Variants in TBXAS1 observed in about 807,000 individuals in gnomAD.
The protein encoded by TBXAS1 is thromboxane A synthase 1, also known as thromboxane-A synthase.
In TBXAS1, 48 loss-of-function variants were observed where a neutral mutation model predicts 60.7. The observed-to-expected ratio is 0.79, with a 90% confidence interval of 0.63 to 1.01. The LOEUF (loss-of-function observed/expected upper bound fraction) is 1.01. TBXAS1 is among the 50% of genes least tolerant of loss of function. The probability of loss-of-function intolerance (pLI) is 0.00; values close to 1 mark genes in which losing one functional copy is unlikely to be tolerated. For synonymous variants in TBXAS1, 287 were observed against 269.7 expected (o/e 1.06, Z -0.63); for missense variants, 685 against 686.3 (o/e 1.00, Z 0.02).
chr7:139,896,354 C>A lies in TBXAS1; in HGVS notation c.237-14871C>A, dbSNP rs908739318. ...GAAGTTTTCCAAACTAACAAGAGGG[C>A]AGCCGGCACTTTAGAGGGTAAATAC... is the stretch of plus-strand genomic sequence containing the variant. On this transcript the variant is annotated intron_variant, in intron 3 of 12. Transcript: ENST00000448866. The surrounding 1 kb of genome is among the most constrained non-coding windows in gnomAD (Gnocchi z 4.0). 2.0e-5 allele frequency among the ~76,000 whole-genome samples: 3 copies of A among 152,152 alleles called. No homozygotes were observed. The highest frequency in any genetic ancestry group is 4.4e-5 in the Non-Finnish European group (3 of 68,040).
chr7:139,927,584 A>G (rs910304514), intron 4 of TBXAS1, among the ~76,000 whole-genome samples: 1 of 152,210 alleles, frequency 6.6e-6, no homozygotes, highest in Non-Finnish European at 1.5e-5. Flanking sequence ...CTACAGTACT[A>G]TAATAATCTT....
At chr7:139,893,163 A>T (rs1192542776) in intron 3 of TBXAS1, among the ~76,000 whole-genome samples, 1 of 152,086 alleles carries the variant, frequency 6.6e-6, no homozygotes, top group Non-Finnish European at 1.5e-5. Context: ...CATTCTTCCC[A>T]TGGCACTGGG....
chr7:139,855,776 A>C (rs575965188), intron 1 of TBXAS1, among the ~76,000 whole-genome samples: 1 of 152,174 alleles, frequency 6.6e-6, no homozygotes, highest in Non-Finnish European at 1.5e-5. Flanking sequence ...CCTGTGGTCA[A>C]CCAGAGCCCC....
chr7:139,798,306 G>C (rs1467339115), intron 4 of TBXAS1, among the ~76,000 whole-genome samples: 1 of 152,150 alleles, frequency 6.6e-6, no homozygotes, highest in Non-Finnish European at 1.5e-5. Flanking sequence ...GCCAAGGAGA[G>C]GGAGAAAGAG....
chr7:139,936,977 C>T (rs1807845320), intron 5 of TBXAS1, among the ~76,000 whole-genome samples: 1 of 152,132 alleles, frequency 6.6e-6, no homozygotes, highest in Non-Finnish European at 1.5e-5. Context: ...CTCTCCTTTC[C>T]CTACTGAGTG....
At chr7:139,882,715 C>T (rs913460649) in intron 3 of TBXAS1, among the ~76,000 whole-genome samples, 10 of 152,178 alleles carry the variant, frequency 6.6e-5, no homozygotes, top group African/African-American at 2.4e-4. Flanking sequence ...GGCCATGAGG[C>T]CAAACTGTGG....
At chr7:139,902,446 T>C (rs1804656815) in intron 3 of TBXAS1, among the ~76,000 whole-genome samples, 1 of 152,176 alleles carries the variant, frequency 6.6e-6, no homozygotes, top group Non-Finnish European at 1.5e-5. Context: ...CAATAGCTTG[T>C]TCTTTTTTAA....
intron 2 of TBXAS1, among the ~76,000 whole-genome samples, chr7:139,872,789 C>A (rs1490590899): frequency 6.6e-6 from 1 of 152,184 alleles, no homozygotes; most frequent in Non-Finnish European, 1.5e-5. Context: ...CATGAGCCCT[C>A]CTCTACTTAT....
intron 2 of TBXAS1, among the ~76,000 whole-genome samples, chr7:139,781,815 C>T (rs1797001613): frequency 1.1e-5 from 1 of 93,198 alleles, no homozygotes. Flanking sequence ...CTAGCCTAGG[C>T]AACAAGAGCT....
At chr7:139,806,572 T>G (rs1797884972) in intron 4 of TBXAS1, among the ~76,000 whole-genome samples, 1 of 152,034 alleles carries the variant, frequency 6.6e-6, no homozygotes. Flanking sequence ...CTGTTTTTAT[T>G]TTGGTATTTT....
chr7:140,002,389 C>CT (rs990893253), intron 9 of TBXAS1, among the ~76,000 whole-genome samples: 1 of 152,256 alleles, frequency 6.6e-6, no homozygotes, highest in African/African-American at 2.4e-5. Context: ...TTTCTCCTCT[C>CT]TGTCAAGGAA....
intron 3 of TBXAS1, 140 bp from the exon 4 acceptor site, chr7:139,911,085 G>C: frequency 1.3e-6 from 1 of 768,298 alleles, no homozygotes. Context: ...CTTATGATTG[G>C]AACATATGTT....
intron 12 of TBXAS1, among the ~76,000 whole-genome samples, chr7:140,018,863 T>C (rs1038263960): frequency 3.9e-5 from 6 of 152,238 alleles, no homozygotes; most frequent in Admixed American, 2.6e-4. Context: ...AATGAGCAAA[T>C]GGATAAGCAG....
chr7:139,934,936 C>CCCT (rs1418351975), intron 4 of TBXAS1, among the ~76,000 whole-genome samples: 4 of 152,218 alleles, frequency 2.6e-5, no homozygotes, highest in African/African-American at 4.8e-5. Context: ...GCCTCAGCCT[C>CCCT]CCAAGTAGCT....
intron 4 of TBXAS1, among the ~76,000 whole-genome samples, chr7:139,797,705 T>A (rs1797609592): frequency 6.6e-6 from 1 of 152,054 alleles, no homozygotes; most frequent in Admixed American, 6.6e-5. Flanking sequence ...GAGGAAAAGG[T>A]AGACGAATGA....
chr7:139,864,393 T>C (rs938597947), intron 1 of TBXAS1, among the ~76,000 whole-genome samples: 5 of 152,140 alleles, frequency 3.3e-5, no homozygotes, highest in Non-Finnish European at 7.3e-5. Flanking sequence ...AACACATTCA[T>C]ATATGAGACA....
At chr7:139,827,588 T>C (rs1365419699), upstream of TBXAS1, among the ~76,000 whole-genome samples, 6 of 152,260 alleles carry the variant, frequency 3.9e-5, no homozygotes, top group Non-Finnish European at 8.8e-5. Flanking sequence ...GTGTGATTTA[T>C]GCTTTAAAGA....
chr7:139,904,162 T>A (rs1804791583), intron 3 of TBXAS1, among the ~76,000 whole-genome samples: 1 of 152,118 alleles, frequency 6.6e-6, no homozygotes, highest in African/African-American at 2.4e-5. Context: ...TTCTCCTACA[T>A]GTGGCTAGCC....
intron 1 of TBXAS1, among the ~76,000 whole-genome samples, chr7:139,842,072 C>T (rs1799486893): frequency 6.6e-6 from 1 of 152,066 alleles, no homozygotes; most frequent in African/African-American, 2.4e-5. Flanking sequence ...GGTGTATGAA[C>T]CAGTTCTGGA....
Sources: allele counts gnomAD v4.1 joint callset (sites outside exome capture counted in the v4.1 genomes callset), GRCh38; gene constraint gnomAD v4.1.1; non-coding constraint Gnocchi (gnomAD v3.1); transcripts MANE v1.5; gene names NCBI Gene and HGNC (gene_info 2026-07-23, HGNC 2026-07-21).